CACNA1C: variants seen among roughly 807,000 people sequenced by gnomAD.
The protein encoded by CACNA1C is voltage-dependent L-type calcium channel subunit alpha-1C.
A neutral mutation model predicts 229.0 loss-of-function variants in CACNA1C; 30 were observed. That is an observed-to-expected ratio of 0.13 (90% CI 0.10 to 0.18). The LOEUF is 0.18. Ranked by LOEUF, CACNA1C falls within the 10% of genes least tolerant of loss-of-function variation. CACNA1C has a pLI of 1.00. For synonymous variants in CACNA1C, 1,114 were observed against 1,132.5 expected (o/e 0.98, Z 0.33); for missense variants, 1,658 against 2,845.0 (o/e 0.58, Z 9.49).
chr12:2,587,572 T>G (rs1330297508), intron 18 of CACNA1C, among the ~76,000 whole-genome samples: 1 of 152,078 alleles, frequency 6.6e-6, no homozygotes. Context: ...TCTTTGTTGC[T>G]CTAATGAAAT....
intron 3 of CACNA1C, among the ~76,000 whole-genome samples, chr12:2,255,807 G>C (rs920265714): frequency 2.0e-5 from 3 of 152,296 alleles, no homozygotes; most frequent in East Asian, 1.9e-4. Flanking sequence ...GACCTTACTA[G>C]TTTACAATCA....
At chr12:2,049,021 G>C (rs2051602840), upstream of CACNA1C, 1 of 152,180 alleles carries the variant, frequency 6.6e-6, no homozygotes, top group Non-Finnish European at 1.5e-5. Flanking sequence ...ACTTTAAAAG[G>C]AAAATGAAAT....
chr12:2,640,359 C>G (rs1350948183), intron 30 of CACNA1C, among the ~76,000 whole-genome samples: 1 of 152,196 alleles, frequency 6.6e-6, no homozygotes, highest in Non-Finnish European at 1.5e-5. Context: ...TCATTCAGTG[C>G]CTCCTGGCAA....
chr12:2,416,084 C>A (rs557090208), intron 3 of CACNA1C, among the ~76,000 whole-genome samples: 5 of 152,132 alleles, frequency 3.3e-5, no homozygotes, highest in Non-Finnish European at 5.9e-5. Context: ...TCTTGTCCTG[C>A]GGGTCCCAGC....
At chr12:2,399,006 C>G (rs1472830767) in intron 3 of CACNA1C, among the ~76,000 whole-genome samples, 1 of 152,188 alleles carries the variant, frequency 6.6e-6, no homozygotes, top group Non-Finnish European at 1.5e-5. Flanking sequence ...TTGACCCTCT[C>G]CCTGAGATGG....
intron 1 of CACNA1C, among the ~76,000 whole-genome samples, chr12:2,083,016 T>C (rs1239738283): frequency 6.6e-6 from 1 of 152,206 alleles, no homozygotes; most frequent in Non-Finnish European, 1.5e-5. Flanking sequence ...GTTTCCTGAA[T>C]TGCCAGTTAA....
intron 3 of CACNA1C, among the ~76,000 whole-genome samples, chr12:2,276,511 C>T (rs2088144404): frequency 6.6e-6 from 1 of 152,236 alleles, no homozygotes; most frequent in Admixed American, 6.5e-5. Flanking sequence ...CTGACCTGTT[C>T]AGCTTCTCCT....
At position 2,567,639 on chromosome 12, in the gene CACNA1C, G is replaced by C; in HGVS notation, c.1740G>C (p.Leu580=). The part of the protein sequence containing the change: ...EMLLKMYSLG[L]QAYFVSLFNR... Reference sequence around the variant, plus strand: ...TCCTGAAGATGTACAGCCTGGGCCTGCAGGCCTACTTCGTGTCCCTCTTCA... The same window carrying C: ...TCCTGAAGATGTACAGCCTGGGCCTCCAGGCCTACTTCGTGTCCCTCTTCA... The change falls in exon 13 of 47, where the codon CTG becomes CTC. Residue 580 remains leucine (L), a synonymous_variant. Coordinates refer to ENST00000399655, the MANE Select transcript of CACNA1C (RefSeq NM_000719.7). 1 of 1,612,424 alleles carries C rather than the reference G, an allele frequency of 6.2e-7. No individual in the cohort carries two copies.
At chr12:2,036,911 C>A (rs1223734705) in intron 1 of CACNA1C, among the ~76,000 whole-genome samples, 1 of 152,124 alleles carries the variant, frequency 6.6e-6, no homozygotes, top group Non-Finnish European at 1.5e-5. Flanking sequence ...CAGGAGGATT[C>A]GGGGTACCCT....
chr12:2,665,732 G>C lies in CACNA1C; in HGVS notation c.4526+24G>C. On this transcript the variant is annotated intron_variant, in intron 36 of 46. Transcript: ENST00000399655. This position sits in a 1 kb window ranked among gnomAD's most constrained non-coding sequence, Gnocchi z 5.9. ...AAGTAAGTTCCCAGAGGGAAATCCT[G>C]ATTCCCCAAGCTGAGAGAGGGTATA... is the stretch of plus-strand genomic sequence containing the variant. 1 of 1,606,126 alleles carries C rather than the reference G, an allele frequency of 6.2e-7. No individual in the cohort carries two copies.
At chr12:2,517,251 G>A (rs1387046854) in intron 9 of CACNA1C, among the ~76,000 whole-genome samples, 1 of 152,236 alleles carries the variant, frequency 6.6e-6, no homozygotes, top group African/African-American at 2.4e-5. Flanking sequence ...TGCTCTGCAG[G>A]CTTCTTGCTT....
chr12:2,019,628 A>G (rs1348602046), intron 1 of CACNA1C, among the ~76,000 whole-genome samples: 2 of 151,990 alleles, frequency 1.3e-5, no homozygotes, highest in Admixed American at 1.3e-4. Flanking sequence ...AAAAGAAAGA[A>G]AGAAAAAGAA....
At position 2,665,123 on chromosome 12, in the gene CACNA1C, A is replaced by T; in HGVS notation, c.4398+133A>T. On this transcript the variant is annotated intron_variant, in intron 35 of 46. Transcript: ENST00000399655. The surrounding 1 kb of genome is among the most constrained non-coding windows in gnomAD (Gnocchi z 5.9). ...GCTGGCTTGGGAAGACTAAGTTGGC[A>T]GGAGTGTCCAGCCACATGGAGAGAA... 2 of 852,824 alleles carry T rather than the reference A, an allele frequency of 2.3e-6. No homozygotes were observed. The highest frequency in any genetic ancestry group is 3.7e-6 in the Non-Finnish European group (2 of 546,846). 52.8% of individuals were successfully genotyped at this position (852,824 alleles called of 1,614,324 possible). A position where few individuals can be genotyped will look rare whatever the true frequency, so the allele number is the denominator to read the frequency against.
chr12:2,015,397 CT>C (rs2045183880), intron 1 of CACNA1C, among the ~76,000 whole-genome samples: 2 of 152,164 alleles, frequency 1.3e-5, no homozygotes, highest in South Asian at 4.1e-4. Context: ...TGTGGAGAGT[CT>C]AGGAGTCCCC....
Position 2,034,089 on chromosome 12 carries a change from A to T in CACNA1C, c.139+62888A>T, listed in dbSNP as rs955627892. Among the ~76,000 whole-genome samples the T allele has an allele frequency of 3.3e-5, 5 of 152,314 alleles. No individual in the cohort carries two copies. Among genetic ancestry groups the T allele is most frequent in the African/African-American group, 1.2e-4 (5 of 41,564 alleles). On this transcript the variant is annotated intron_variant, in intron 1 of 46. Transcript: ENST00000682462. This position sits in a 1 kb window ranked among gnomAD's most constrained non-coding sequence, Gnocchi z 4.1. ...ACATTTTTAACATCTGCTACACCTT[A>T]GGCCGTTGGAACATACTAACTCATT...
At chr12:2,256,296 G>T (rs1296131512) in intron 3 of CACNA1C, among the ~76,000 whole-genome samples, 1 of 152,108 alleles carries the variant, frequency 6.6e-6, no homozygotes, top group Non-Finnish European at 1.5e-5. Flanking sequence ...TCAATGCATG[G>T]GGTAATCAGT....
intron 7 of CACNA1C, among the ~76,000 whole-genome samples, chr12:2,500,814 C>T (rs1024692244): frequency 3.9e-5 from 6 of 152,110 alleles, no homozygotes; most frequent in African/African-American, 1.4e-4. Flanking sequence ...GGCGTGCCCT[C>T]GAGGCTGTCT....
At chr12:2,574,128 C>G (rs1214107917) in intron 13 of CACNA1C, among the ~76,000 whole-genome samples, 1 of 152,120 alleles carries the variant, frequency 6.6e-6, no homozygotes, top group Non-Finnish European at 1.5e-5. Flanking sequence ...AAGAAAATTA[C>G]TTTATAGAAA....
At chr12:1,983,392 T>C (rs2036726241) in intron 1 of CACNA1C, among the ~76,000 whole-genome samples, 1 of 152,056 alleles carries the variant, frequency 6.6e-6, no homozygotes. Context: ...TAAATTTCCC[T>C]GTAAGTCCAA....
Sources: allele counts gnomAD v4.1 joint callset (sites outside exome capture counted in the v4.1 genomes callset), GRCh38; gene constraint gnomAD v4.1.1; non-coding constraint Gnocchi (gnomAD v3.1); transcripts MANE v1.5; gene names NCBI Gene and HGNC (gene_info 2026-07-23, HGNC 2026-07-21).